Variants in PCBP3 observed in about 807,000 individuals in gnomAD.
PCBP3 encodes the protein poly(rC)-binding protein 3.
In PCBP3, 25 loss-of-function variants were observed where a neutral mutation model predicts 52.7. The observed-to-expected ratio is 0.47, with a 90% CI of 0.35 to 0.66. PCBP3 has a LOEUF of 0.66. Ranked by LOEUF, PCBP3 falls within the 30% of genes least tolerant of loss-of-function variation. The probability of loss-of-function intolerance (pLI) is 0.01; values close to 1 mark genes in which losing one functional copy is unlikely to be tolerated. For missense variants in PCBP3, 391 were observed against 490.3 expected, an observed-to-expected ratio of 0.80 and a Z score of 1.91; for synonymous variants, 162 against 183.0, an observed-to-expected ratio of 0.89 and a Z score of 0.93.
chr21:45,917,537 A>G lies in PCBP3; in HGVS notation c.676-51A>G. The G allele has an allele frequency of 4.6e-6, 7 of 1,513,300 alleles. No individual in the cohort carries two copies. The highest frequency in any genetic ancestry group is 6.4e-6 in the Non-Finnish European group (7 of 1,091,632). The allele number at this position is 1,513,300 out of a possible 1,614,324, so 93.7% of individuals were successfully genotyped here. On this transcript the variant is annotated intron_variant, in intron 12 of 17. Transcript: ENST00000681687. This position sits in a 1 kb window ranked among gnomAD's most constrained non-coding sequence, Gnocchi z 5.3. ...TGCTGGAGGGTGGCGGCGGGTGCTG[A>G]GCCGTGGTGCAGCCAGGTTGCAGTC...
intron 4 of PCBP3, among the ~76,000 whole-genome samples, chr21:45,789,302 G>A (rs1386742932): frequency 1.3e-5 from 2 of 152,264 alleles, no homozygotes; most frequent in Non-Finnish European, 2.9e-5. Flanking sequence ...GTACCCGCAT[G>A]TGTGCGAGGG....
intron 4 of PCBP3, among the ~76,000 whole-genome samples, chr21:45,846,437 T>G (rs545703108): frequency 1.3e-5 from 2 of 152,262 alleles, no homozygotes; most frequent in East Asian, 3.9e-4. Context: ...TTGTTTTTTT[T>G]TTTTAACGAA....
chr21:45,887,072 T>C (rs951382151), intron 5 of PCBP3, among the ~76,000 whole-genome samples: 3 of 152,206 alleles, frequency 2.0e-5, no homozygotes, highest in African/African-American at 7.2e-5. Context: ...GAGGCCCTTT[T>C]CTTGTCTGTG....
chr21:45,896,597 G>C (rs34709245), intron 6 of PCBP3, among the ~76,000 whole-genome samples: 45 of 144,996 alleles, frequency 3.1e-4, no homozygotes, highest in Middle Eastern at 3.6e-3. Context: ...TAGAACTGGA[G>C]ACGCACTGCC....
At chr21:45,727,357 A>G (rs2085125078) in intron 2 of PCBP3, among the ~76,000 whole-genome samples, 1 of 152,206 alleles carries the variant, frequency 6.6e-6, no homozygotes, top group Admixed American at 6.5e-5. Context: ...TGTTTTCAGG[A>G]TATCTGGGAT....
At chr21:45,887,225 G>A (rs900202004) in intron 5 of PCBP3, among the ~76,000 whole-genome samples, 1 of 152,230 alleles carries the variant, frequency 6.6e-6, no homozygotes, top group Non-Finnish European at 1.5e-5. Context: ...CAGTCTTCTT[G>A]TGTTTGTTGT....
At chr21:45,905,297 G>A (rs142820734) in intron 9 of PCBP3, among the ~76,000 whole-genome samples, 107 of 152,312 alleles carry the variant, frequency 7.0e-4, no homozygotes, top group African/African-American at 2.5e-3. Context: ...CACCTCTCTA[G>A]GAAGAAGTGT....
At chr21:45,885,651 C>G (rs2095500499) in intron 5 of PCBP3, among the ~76,000 whole-genome samples, 1 of 152,162 alleles carries the variant, frequency 6.6e-6, no homozygotes, top group African/African-American at 2.4e-5. Context: ...CTTCTCTCCC[C>G]TGACTCTTTC....
At chr21:45,896,044 G>A (rs1018341917) in intron 5 of PCBP3, among the ~76,000 whole-genome samples, 164 bp from the exon 6 acceptor site, 3 of 152,372 alleles carry the variant, frequency 2.0e-5, no homozygotes, top group East Asian at 1.9e-4. Context: ...CTGAACTCCC[G>A]TGCACCCTGT....
intron 4 of PCBP3, among the ~76,000 whole-genome samples, chr21:45,834,955 C>T (rs1305428812): frequency 2.0e-5 from 3 of 152,246 alleles, no homozygotes; most frequent in African/African-American, 7.2e-5. Flanking sequence ...GGAAATGTCA[C>T]TCTGCGCGGT....
In PCBP3 at chr21:45,736,315, C is replaced by T. The variant is rs936299449; in HGVS notation, c.-162+886C>T. ...CCAGTGGTGGGGCTGGGATTTGAGC[C>T]AAGTCTTCCAACTTCACAATAGCAG... On this transcript the variant is annotated intron_variant, in intron 3 of 17. Coordinates refer to ENST00000681687, the MANE Select transcript of PCBP3 (RefSeq NM_001384156.1). This position sits in a 1 kb window ranked among gnomAD's most constrained non-coding sequence, Gnocchi z 4.6. 3.3e-5 allele frequency among the ~76,000 whole-genome samples: 5 copies of T among 152,190 alleles called. No individual in the cohort carries two copies. Among genetic ancestry groups the T allele is most frequent in the African/African-American group, 1.2e-4 (5 of 41,448 alleles).
At chr21:45,825,623 C>A (rs1375624496) in intron 4 of PCBP3, among the ~76,000 whole-genome samples, 1 of 152,130 alleles carries the variant, frequency 6.6e-6, no homozygotes, top group African/African-American at 2.4e-5. Context: ...ACGGAGGAAA[C>A]CCTTTCTTAT....
chr21:45,795,993 C>T (rs1199678961), intron 4 of PCBP3, among the ~76,000 whole-genome samples: 2 of 152,104 alleles, frequency 1.3e-5, no homozygotes, highest in Non-Finnish European at 1.5e-5. Context: ...TGTAAATCAA[C>T]GAAACTGCCT....
At position 45,853,610 on chromosome 21, in the gene PCBP3, A is replaced by C. The variant is rs1392168779; in HGVS notation, c.10+3515A>C. Among the ~76,000 whole-genome samples the C allele has an allele frequency of 6.6e-6, 1 of 152,162 alleles. No homozygotes were observed. Among genetic ancestry groups the C allele is most frequent in the Non-Finnish European group, 1.5e-5 (1 of 68,036 alleles). On this transcript the variant is annotated intron_variant, in intron 5 of 17. Transcript: ENST00000681687. The surrounding 1 kb of genome is among the most constrained non-coding windows in gnomAD (Gnocchi z 4.6). ...TGTGAATGGAGAGGGTGTTCCTGTC[A>C]TGGCTGAAGTGTTTGCATTTGATTT...
At chr21:45,861,972 G>C (rs76756514) in intron 5 of PCBP3, among the ~76,000 whole-genome samples, 1 of 152,284 alleles carries the variant, frequency 6.6e-6, no homozygotes, top group Non-Finnish European at 1.5e-5. Context: ...GGAAGGGTCG[G>C]CCTGTCTGAG....
intron 2 of PCBP3, among the ~76,000 whole-genome samples, chr21:45,726,858 T>A (rs1288142524): frequency 1.3e-5 from 2 of 152,270 alleles, no homozygotes; most frequent in African/African-American, 4.8e-5. Flanking sequence ...TTTGCTCATT[T>A]TAAAAACTGG....
At chr21:45,867,262 G>T (rs1603458523) in intron 5 of PCBP3, among the ~76,000 whole-genome samples, 3 of 152,366 alleles carry the variant, frequency 2.0e-5, no homozygotes, top group Middle Eastern at 6.8e-3. Flanking sequence ...GGGCCAGCCT[G>T]TGGGAGCAGC....
rs2095383300 is a variant in PCBP3, at chr21:45,880,786, T to C, written c.11-15422T>C. On this transcript the variant is annotated intron_variant, in intron 5 of 17. Coordinates refer to ENST00000681687, the MANE Select transcript of PCBP3 (RefSeq NM_001384156.1). This position sits in a 1 kb window ranked among gnomAD's most constrained non-coding sequence, Gnocchi z 5.4. The stretch of plus-strand genomic sequence containing the variant: ...GGTCCTGATAAGTGGGTGGGAGAAC[T>C]CACCCTGTCCCTGCCACGGAAGCCA... 6.6e-6 allele frequency among the ~76,000 whole-genome samples: 1 copy of C among 152,068 alleles called. No individual in the cohort carries two copies. Among genetic ancestry groups the C allele is most frequent in the Non-Finnish European group, 1.5e-5 (1 of 68,010 alleles).
In PCBP3 at chr21:45,935,265, G is replaced by T. The variant is rs746147002; in HGVS notation, c.869G>T (p.Ser290Ile). The change falls in exon 16 of 18, where the codon AGC becomes ATC. Residue 290 changes from serine (S) to isoleucine (I), a missense_variant. Physicochemically the swap from Ser to Ile is moderately radical, Grantham distance 142 (BLOSUM62 -2). Transcript: ENST00000681687. ...TTGGTATACCCAGGTCTGGACGCCA[G>T]CCCACCGGCCAGCACTCATGAGCTC... ...LMGQSSGLDA[S>I]PPASTHELTI... is the part of the protein sequence containing the mutation. The T allele has an allele frequency of 3.7e-6, 6 of 1,612,772 alleles. No homozygotes were observed. The South Asian group carries it at 6.6e-5, about 18-fold the overall frequency.
Sources: allele counts gnomAD v4.1 joint callset (sites outside exome capture counted in the v4.1 genomes callset), GRCh38; gene constraint gnomAD v4.1.1; non-coding constraint Gnocchi (gnomAD v3.1); transcripts MANE v1.5; gene names NCBI Gene and HGNC (gene_info 2026-07-23, HGNC 2026-07-21).